PTGIS: variants seen among roughly 807,000 people sequenced by gnomAD.
PTGIS encodes prostaglandin I2 synthase, also known as prostacyclin synthase.
In PTGIS, 45 loss-of-function variants were observed where a neutral mutation model predicts 50.3. The observed-to-expected ratio is 0.90, with a 90% CI of 0.70 to 1.15. The LOEUF (loss-of-function observed/expected upper bound fraction) is 1.15. Ranked by LOEUF, PTGIS falls within the 50% of genes most tolerant of loss-of-function variation. The probability of loss-of-function intolerance (pLI) is 0.00; values close to 1 mark genes in which losing one functional copy is unlikely to be tolerated. For synonymous variants in PTGIS, 260 were observed against 267.7 expected, an observed-to-expected ratio of 0.97 and a Z score of 0.28; for missense variants, 668 against 661.3, an observed-to-expected ratio of 1.01 and a Z score of -0.11.
chr20:49,549,513 A>T (rs7274270), intron 2 of PTGIS, among the ~76,000 whole-genome samples: 6,370 of 152,262 alleles, frequency 0.042, 463 homozygotes, highest in African/African-American at 0.14. Flanking sequence ...CTGTATACAG[A>T]TGAAAGTTGG....
intron 5 of PTGIS, among the ~76,000 whole-genome samples, chr20:49,527,526 A>G (rs754082524): frequency 3.9e-5 from 6 of 152,154 alleles, no homozygotes; most frequent in Non-Finnish European, 8.8e-5. Flanking sequence ...ATACTATTCG[A>G]CAGAAAGTAG....
intron 1 of PTGIS, among the ~76,000 whole-genome samples, chr20:49,560,794 G>A (rs1031811392): frequency 6.6e-6 from 1 of 152,182 alleles, no homozygotes; most frequent in Non-Finnish European, 1.5e-5. Context: ...GGAGAATGTG[G>A]GGACGAGACG....
intron 2 of PTGIS, among the ~76,000 whole-genome samples, chr20:49,549,447 T>C (rs988546584): frequency 2.6e-5 from 4 of 152,162 alleles, no homozygotes; most frequent in African/African-American, 9.7e-5. Context: ...ATATTTTCAA[T>C]TCGTGGCCGG....
At chr20:49,555,270 C>T (rs1474892087) in intron 1 of PTGIS, among the ~76,000 whole-genome samples, 5 of 9,828 alleles carry the variant, frequency 5.1e-4, no homozygotes, top group South Asian at 0.12. Context: ...GAGAGTGTCT[C>T]GAAAAAAAAA....
At position 49,519,387 on chromosome 20, in the gene PTGIS, T is replaced by C. The variant is rs376189714; in HGVS notation, c.855+4671A>G. ...CAGTATCTTTTGAGATTATTATTCC[T>C]GACTCATCATCTCCGACCTGACAGC... On this transcript the variant is annotated intron_variant, in intron 6 of 9. Coordinates refer to ENST00000244043, the MANE Select transcript of PTGIS (RefSeq NM_000961.4). 1.8e-4 allele frequency among the ~76,000 whole-genome samples: 27 copies of C among 152,216 alleles called. No homozygotes were observed. The East Asian group carries it at 4.1e-3, about 23-fold the overall frequency.
rs555399732 is a variant in PTGIS at position 49,560,351 on chromosome 20, A to C, written c.74+7692T>G. ...AGTAGCTGGCACTATATATAGGCAC[A>C]TGCCATCACACCTGACTTTGTTTTT... On this transcript the variant is annotated intron_variant, in intron 1 of 9. Coordinates refer to ENST00000244043, the MANE Select transcript of PTGIS (RefSeq NM_000961.4). Among the ~76,000 whole-genome samples the C allele has an allele frequency of 5.3e-5, 8 of 152,268 alleles. No homozygotes were observed. In the East Asian group the frequency reaches 1.5e-3, roughly 29 times the overall value.
chr20:49,524,347 A>C, intron 5 of PTGIS, 108 bp from the exon 6 acceptor site: 2 of 1,293,618 alleles, frequency 1.5e-6, no homozygotes, highest in Non-Finnish European at 2.1e-6. Context: ...AATGTCACTC[A>C]TTGAGGGTGG....
chr20:49,521,752 A>C (rs1981657553), intron 6 of PTGIS, among the ~76,000 whole-genome samples: 1 of 152,172 alleles, frequency 6.6e-6, no homozygotes, highest in Non-Finnish European at 1.5e-5. Context: ...CAGCTTGTGC[A>C]ACTGTCACCG....
intron 1 of PTGIS, among the ~76,000 whole-genome samples, chr20:49,551,758 ATG>A (rs150301004): frequency 0.031 from 4,512 of 144,768 alleles, 214 homozygotes; most frequent in African/African-American, 0.11. Context: ...GTGTGTGTTT[ATG>A]TGTGTGTGTA....
Position 49,547,735 on chromosome 20 carries a change from G to A in PTGIS, c.377+106C>T, listed in dbSNP as rs1044254230. The stretch of plus-strand genomic sequence containing the variant: ...TCTGTTTGTGTTCTCAAGACAAAAT[G>A]TCTTTACCGAACATTTGCTTTGGAA... On this transcript the variant is annotated intron_variant, in intron 3 of 9. Transcript: ENST00000244043. 3.8e-6 allele frequency: 5 copies of A among 1,300,182 alleles called. No homozygotes were observed. In the African/African-American group the frequency reaches 5.8e-5, roughly 15 times the overall value. The allele number at this position is 1,300,182 out of a possible 1,614,324, so 80.5% of individuals were successfully genotyped here.
At chr20:49,546,291 A>G (rs570330219) in intron 3 of PTGIS, among the ~76,000 whole-genome samples, 66 of 152,310 alleles carry the variant, frequency 4.3e-4, no homozygotes, top group African/African-American at 1.5e-3. Flanking sequence ...GCAGGGGCAG[A>G]TTCAGTGAGC....
At position 49,511,132 on chromosome 20, in the gene PTGIS, T is replaced by G; in HGVS notation, c.1254A>C (p.Lys418Asn). The change falls in exon 9 of 10, where the codon AAA becomes AAC. Residue 418 changes from lysine to asparagine, a missense_variant. Physicochemically the swap from Lys to Asn is moderately conservative, Grantham distance 94 (BLOSUM62 0). Coordinates refer to ENST00000244043, the MANE Select transcript of PTGIS (RefSeq NM_000961.4). ...RFLNPDGSEKKDFYKDGKRLK... is the reference protein window; with the variant it reads ...RFLNPDGSEKNDFYKDGKRLK... Reference sequence around the variant, plus strand: ...GCCGTTTCCCATCCTTGTAAAAGTCTTTCTTCTCTGATCCGTCAGGGTTCA... The same window carrying G: ...GCCGTTTCCCATCCTTGTAAAAGTCGTTCTTCTCTGATCCGTCAGGGTTCA... 1.9e-6 allele frequency: 3 copies of G among 1,614,262 alleles called. No homozygotes were observed. In the South Asian group the frequency reaches 3.3e-5, roughly 18 times the overall value.
chr20:49,508,660 C>A (rs565776525), intron 9 of PTGIS, among the ~76,000 whole-genome samples: 1 of 152,326 alleles, frequency 6.6e-6, no homozygotes, highest in East Asian at 1.9e-4. Context: ...CCTTAGGTGT[C>A]TTTGTGAGAT....
At chr20:49,531,548 AAG>A (rs1268483404) in intron 5 of PTGIS, among the ~76,000 whole-genome samples, 1 of 152,248 alleles carries the variant, frequency 6.6e-6, no homozygotes, top group Admixed American at 6.5e-5. Flanking sequence ...AAATCAAAAA[AAG>A]ACAAAATTTT....
chr20:49,534,461 G>C (rs1982020374), intron 5 of PTGIS, among the ~76,000 whole-genome samples: 2 of 152,084 alleles, frequency 1.3e-5, no homozygotes, highest in Admixed American at 6.5e-5. Flanking sequence ...CCTATAGCCA[G>C]CCCAGGGCTG....
intron 4 of PTGIS, 94 bp from the exon 5 acceptor site, chr20:49,539,815 C>T (rs948633522): frequency 6.1e-6 from 9 of 1,474,950 alleles, no homozygotes; most frequent in Non-Finnish European, 5.5e-6. Context: ...ACCCAGTGAG[C>T]AACTACTAAT....
intron 9 of PTGIS, among the ~76,000 whole-genome samples, chr20:49,509,285 C>T (rs1048523094): frequency 1.3e-5 from 2 of 152,196 alleles, no homozygotes; most frequent in South Asian, 2.1e-4. Context: ...CCTGGGAACA[C>T]GGCAAATGAT....
At chr20:49,550,341 G>GT (rs945246582) in intron 1 of PTGIS, 152 bp from the exon 2 acceptor site, 1 of 1,025,502 alleles carries the variant, frequency 9.8e-7, no homozygotes, top group African/African-American at 1.6e-5. Context: ...CTTTTCTCTT[G>GT]TAACATGTGG....
chr20:49,546,506 G>A (rs1568682162), intron 3 of PTGIS, among the ~76,000 whole-genome samples: 1 of 152,172 alleles, frequency 6.6e-6, no homozygotes, highest in South Asian at 2.1e-4. Flanking sequence ...ACCTCCAGAG[G>A]GTATTCCTCC....
Sources: allele counts gnomAD v4.1 joint callset (sites outside exome capture counted in the v4.1 genomes callset), GRCh38; gene constraint gnomAD v4.1.1; transcripts MANE v1.5; gene names NCBI Gene and HGNC (gene_info 2026-07-23, HGNC 2026-07-21).